Variants in RAPGEF4 observed in about 807,000 individuals in gnomAD.
RAPGEF4 encodes Rap guanine nucleotide exchange factor 4.
RAPGEF4 carries 66 observed loss-of-function variants against 147.9 expected under a neutral mutation model. The ratio of observed to expected loss-of-function variants is 0.45; its 90% CI spans 0.37 to 0.55. The LOEUF (loss-of-function observed/expected upper bound fraction) is 0.55. Ranked by LOEUF, RAPGEF4 falls within the 20% of genes least tolerant of loss-of-function variation. RAPGEF4 has a pLI of 0.00. For missense variants in RAPGEF4, 1,071 were observed against 1,257.3 expected (o/e 0.85, Z 2.24); for synonymous variants, 419 against 442.7 (o/e 0.95, Z 0.67).
At position 172,779,939 on chromosome 2, in the gene RAPGEF4, A is replaced by G. The variant is rs371314632; in HGVS notation, c.66-15086A>G. ...TATTCTAGTCACTTAGTCACGCCAT[A>G]GAATAACCACTAATGCCAGTTTTCA... is the stretch of plus-strand genomic sequence containing the variant. On this transcript the variant is annotated intron_variant, in intron 1 of 30. Coordinates refer to ENST00000397081, the MANE Select transcript of RAPGEF4 (RefSeq NM_007023.4). 5.8e-4 allele frequency among the ~76,000 whole-genome samples: 89 copies of G among 152,354 alleles called. No individual in the cohort carries two copies. In the South Asian group the frequency reaches 0.016, roughly 28 times the overall value.
At chr2:172,765,339 G>A (rs1029996368) in intron 1 of RAPGEF4, among the ~76,000 whole-genome samples, 1 of 152,202 alleles carries the variant, frequency 6.6e-6, no homozygotes. Context: ...ACTTTGGAGG[G>A]TAGGGGTGAC....
intron 1 of RAPGEF4, among the ~76,000 whole-genome samples, chr2:172,786,563 G>GA (rs1685226117): frequency 6.6e-6 from 1 of 152,030 alleles, no homozygotes; most frequent in Non-Finnish European, 1.5e-5. Flanking sequence ...TACGTCTCCT[G>GA]AAGGAAAAAA....
At chr2:172,743,435 T>C (rs1694478904) in intron 1 of RAPGEF4, among the ~76,000 whole-genome samples, 1 of 152,206 alleles carries the variant, frequency 6.6e-6, no homozygotes, top group South Asian at 2.1e-4. Flanking sequence ...TGCCAGCTCT[T>C]TCTTGGCGCA....
intron 1 of RAPGEF4, among the ~76,000 whole-genome samples, chr2:172,755,897 CAT>C (rs372608666): frequency 5.9e-5 from 9 of 152,254 alleles, no homozygotes; most frequent in African/African-American, 1.2e-4. Flanking sequence ...TTCAAGTGCA[CAT>C]GTGTGTGTGT....
At chr2:173,043,042 G>A (rs2106053616) in intron 29 of RAPGEF4, among the ~76,000 whole-genome samples, 1 of 152,266 alleles carries the variant, frequency 6.6e-6, no homozygotes, top group Non-Finnish European at 1.5e-5. Flanking sequence ...ACTGTGCCTG[G>A]CCATTTGGTT....
chr2:172,999,173 C>T (rs975246848), intron 16 of RAPGEF4, among the ~76,000 whole-genome samples: 3 of 152,162 alleles, frequency 2.0e-5, no homozygotes, highest in African/African-American at 7.2e-5. Context: ...CTTGACCCTT[C>T]CATTTTTGAT....
chr2:173,032,138 A>C (rs1446440162), intron 26 of RAPGEF4, among the ~76,000 whole-genome samples: 1 of 152,220 alleles, frequency 6.6e-6, no homozygotes, highest in East Asian at 1.9e-4. Flanking sequence ...CCTGGAGCAC[A>C]CACACTCTCT....
At chr2:172,885,798 T>C (rs921845745) in intron 4 of RAPGEF4, among the ~76,000 whole-genome samples, 4 of 152,152 alleles carry the variant, frequency 2.6e-5, no homozygotes, top group Non-Finnish European at 5.9e-5. Context: ...AGTCAAACCA[T>C]ATCACCCTGC....
At chr2:172,922,443 G>C (rs1684865693) in intron 6 of RAPGEF4, 143 bp downstream of exon 6, 3 of 842,458 alleles carry the variant, frequency 3.6e-6, no homozygotes, top group African/African-American at 1.7e-5. Flanking sequence ...TGGCATCTTT[G>C]GCAAGTCACT....
At chr2:172,878,052 GT>G (rs1310961914) in intron 4 of RAPGEF4, among the ~76,000 whole-genome samples, 2 of 152,146 alleles carry the variant, frequency 1.3e-5, no homozygotes, top group Non-Finnish European at 2.9e-5. Flanking sequence ...TTTTGAATTT[GT>G]TAGAACAAAT....
intron 23 of RAPGEF4, among the ~76,000 whole-genome samples, chr2:173,026,341 G>A (rs944341019): frequency 3.9e-5 from 6 of 152,120 alleles, no homozygotes; most frequent in East Asian, 1.9e-4. Flanking sequence ...CTTATTTGCC[G>A]CGGTTCACAT....
intron 4 of RAPGEF4, among the ~76,000 whole-genome samples, chr2:172,903,499 C>T: frequency 6.6e-6 from 1 of 150,730 alleles, no homozygotes; most frequent in East Asian, 1.9e-4. Flanking sequence ...GATTGTGCCA[C>T]TGCATTCCAG....
At chr2:172,933,705 T>G (rs2042565) in intron 6 of RAPGEF4, among the ~76,000 whole-genome samples, 141,980 of 152,244 alleles carry the variant, frequency 0.93, 67,027 homozygotes, top group East Asian at 1. Flanking sequence ...ATATGTTATA[T>G]ATTTAAGATC....
At chr2:172,950,153 A>G (rs17708115) in intron 6 of RAPGEF4, among the ~76,000 whole-genome samples, 3,956 of 152,310 alleles carry the variant, frequency 0.026, 71 homozygotes, top group South Asian at 0.055. Flanking sequence ...AAACTTTAGA[A>G]ATCTGGCCTT....
At position 173,042,692 on chromosome 2, in the gene RAPGEF4, A is replaced by G. The variant is rs916993810; in HGVS notation, c.2854-5908A>G. Among the ~76,000 whole-genome samples, 2 of 151,988 alleles carry G rather than the reference A, an allele frequency of 1.3e-5. No homozygotes were observed. Among genetic ancestry groups the G allele is most frequent in the Non-Finnish European group, 2.9e-5 (2 of 68,010 alleles). Reference sequence around the variant, plus strand: ...AAGCATTTTGCATAACTGAGACATTATAAAAGATGACTTTCCCTTAGCCTC... The same window carrying G: ...AAGCATTTTGCATAACTGAGACATTGTAAAAGATGACTTTCCCTTAGCCTC... On this transcript the variant is annotated intron_variant, in intron 29 of 30. Coordinates refer to ENST00000397081, the MANE Select transcript of RAPGEF4 (RefSeq NM_007023.4). This position sits in a 1 kb window ranked among gnomAD's most constrained non-coding sequence, Gnocchi z 4.2.
intron 1 of RAPGEF4, among the ~76,000 whole-genome samples, chr2:172,761,050 G>T (rs1196599068): frequency 6.6e-6 from 1 of 150,532 alleles, no homozygotes; most frequent in Non-Finnish European, 1.5e-5. Context: ...AATGACAGGG[G>T]CTCTTCTCAT....
intron 6 of RAPGEF4, among the ~76,000 whole-genome samples, chr2:172,953,217 A>T (rs1688389963): frequency 6.7e-6 from 1 of 148,392 alleles, no homozygotes. Flanking sequence ...TTTTACATTT[A>T]TATAATATAC....
chr2:173,027,249 A>G lies in RAPGEF4; in HGVS notation c.2548A>G (p.Ile850Val), dbSNP rs747522075. The G allele has an allele frequency of 8.2e-6, 13 of 1,591,942 alleles. No homozygotes were observed. The highest frequency in any genetic ancestry group is 1.8e-5 in the Admixed American group (1 of 54,470). ...RVQLLKKFIK[I>V]AAHCKEYKNL... ...TCAGCTATTAAAAAAATTTATTAAG[A>G]TAGCAGCCCAGTAAGTATATTTAGC... Residue 850 changes from isoleucine (I) to valine (V), a missense_variant, in exon 25 of 31, where the codon ATA (isoleucine) becomes GTA (valine). Coordinates refer to ENST00000397081, the MANE Select transcript of RAPGEF4 (RefSeq NM_007023.4).
intron 1 of RAPGEF4, among the ~76,000 whole-genome samples, chr2:172,752,041 C>G (rs1007116285): frequency 6.6e-6 from 1 of 152,292 alleles, no homozygotes; most frequent in African/African-American, 2.4e-5. Flanking sequence ...ACCTAGAGAA[C>G]TGATAAGTAC....
Sources: gnomAD v4.1 joint callset for allele counts (sites outside exome capture counted in the v4.1 genomes callset) on GRCh38, gnomAD v4.1.1 for gene constraint, Gnocchi (gnomAD v3.1) non-coding constraint, MANE v1.5 for transcripts, NCBI Gene and HGNC (gene_info 2026-07-23, HGNC 2026-07-21) for gene names.